Variants in ATG2B observed in about 807,000 individuals in gnomAD.
The protein encoded by ATG2B is autophagy related 2B.
ATG2B carries 121 observed loss-of-function variants against 241.3 expected under a neutral mutation model. The observed-to-expected ratio is 0.50, with a 90% CI of 0.43 to 0.58. The LOEUF is 0.58. Ranked by LOEUF, ATG2B falls within the 20% of genes least tolerant of loss-of-function variation. The probability of loss-of-function intolerance (pLI) is 0.00; values close to 1 mark genes in which losing one functional copy is unlikely to be tolerated. For synonymous variants in ATG2B, 858 were observed against 876.6 expected (o/e 0.98, Z 0.37); for missense variants, 2,306 against 2,491.6 (o/e 0.93, Z 1.59).
At chr14:96,345,093 A>AT in intron 3 of ATG2B, 140 bp downstream of exon 3, 1 of 634,736 alleles carries the variant, frequency 1.6e-6, no homozygotes, top group South Asian at 2.4e-5. Flanking sequence ...AAATACCTCA[A>AT]TTCTAAAGTT....
At chr14:96,341,826 TG>T in intron 5 of ATG2B, 125 bp from the exon 6 acceptor site, 1 of 731,594 alleles carries the variant, frequency 1.4e-6, no homozygotes, top group Non-Finnish European at 2.0e-6. Context: ...GATGTTACAA[TG>T]GACAAACCAG....
Position 96,295,064 on chromosome 14 carries a change from A to T in ATG2B, c.5322T>A (p.Pro1774=), listed in dbSNP as rs1886593227. The T allele has an allele frequency of 1.2e-6, 2 of 1,614,238 alleles. No homozygotes were observed. The highest frequency in any genetic ancestry group is 1.7e-6 in the Non-Finnish European group (2 of 1,180,042). ...CTGAATTGGCACTATCATTTTGGGA[A>T]GGCTGTTTTGGCCCAGAGAAAGAAA... The part of the protein sequence containing the change: ...LVISFSGPKQ[P]SQNDSANSVE... The change falls in exon 36 of 42, where the codon CCT becomes CCA. Residue 1774 remains proline, a synonymous_variant. Transcript: ENST00000359933.
chr14:96,340,056 A>AT (rs1297682275), intron 6 of ATG2B, among the ~76,000 whole-genome samples: 1 of 117,654 alleles, frequency 8.5e-6, no homozygotes, highest in Admixed American at 9.1e-5. Context: ...GATATATATG[A>AT]ATATATGCTA....
At position 96,363,000 on chromosome 14, in the gene ATG2B, A is replaced by C. The variant is rs1888719784; in HGVS notation, c.-24T>G. 1 of 1,612,056 alleles carries C rather than the reference A, an allele frequency of 6.2e-7. No individual in the cohort carries two copies. Among genetic ancestry groups the C allele is most frequent in the Non-Finnish European group, 8.5e-7 (1 of 1,179,506 alleles). ...ATAGTGACTGCTGGCAGCTGGGCTG[A>C]CTGCGGCTGCGGGTTGCGACGGCTC... On this transcript the variant is annotated 5_prime_UTR_variant, in exon 1 of 42. Coordinates refer to ENST00000359933, the MANE Select transcript of ATG2B (RefSeq NM_018036.7).
At chr14:96,312,188 T>A (rs1887177698) in intron 25 of ATG2B, 29 bp from the exon 26 acceptor site, 1 of 1,545,580 alleles carries the variant, frequency 6.5e-7, no homozygotes, top group African/African-American at 1.4e-5. Context: ...AACCAACATC[T>A]GAAAAACTAA....
chr14:96,328,643 C>T (rs775181142), intron 13 of ATG2B, 31 bp downstream of exon 13: 4 of 1,567,238 alleles, frequency 2.6e-6, no homozygotes, highest in Admixed American at 1.9e-5. Context: ...TTAAAATTTA[C>T]AGGTGGCAAT....
rs551326808 is a variant in ATG2B at position 96,292,164 on chromosome 14, A to G, written c.5427-66T>C. 369 of 1,018,532 alleles carry G rather than the reference A, an allele frequency of 3.6e-4. 2 individuals carry two copies. In the African/African-American group the frequency reaches 5.0e-3, roughly 14 times the overall value. The allele number at this position is 1,018,532 out of a possible 1,614,324, so 63.1% of individuals were successfully genotyped here. A position where few individuals can be genotyped will look rare whatever the true frequency, so the allele number is the denominator to read the frequency against. The stretch of plus-strand genomic sequence containing the variant: ...TACTAATAGGTGAAATTAGATATAA[A>G]TTAATTTGTTCAATTGGAGAATAAA... On this transcript the variant is annotated intron_variant, in intron 36 of 41. Transcript: ENST00000359933.
At chr14:96,330,125 G>A (rs1039825432) in intron 11 of ATG2B, among the ~76,000 whole-genome samples, 3 of 151,188 alleles carry the variant, frequency 2.0e-5, no homozygotes, top group Non-Finnish European at 4.4e-5. Context: ...CAAGGTGGGC[G>A]GATCACCTGA....
At chr14:96,316,512 C>G in intron 21 of ATG2B, 21 bp downstream of exon 21, 2 of 1,603,378 alleles carry the variant, frequency 1.2e-6, no homozygotes, top group South Asian at 1.1e-5. Flanking sequence ...GAGAAGAAAC[C>G]AAGACACGTG....
intron 31 of ATG2B, among the ~76,000 whole-genome samples, chr14:96,304,817 C>T (rs1886891640): frequency 6.6e-6 from 1 of 152,060 alleles, no homozygotes. Flanking sequence ...GAGTAATCAC[C>T]TGCTTGCTAA....
chr14:96,353,644 A>T (rs904915788), intron 1 of ATG2B, among the ~76,000 whole-genome samples: 3 of 125,918 alleles, frequency 2.4e-5, no homozygotes, highest in African/African-American at 5.1e-5. Context: ...TTCATATTTT[A>T]TATATATATA....
intron 25 of ATG2B, among the ~76,000 whole-genome samples, chr14:96,312,508 A>G (rs1887188916): frequency 6.6e-6 from 1 of 152,290 alleles, no homozygotes; most frequent in Non-Finnish European, 1.5e-5. Flanking sequence ...TTGGGAGGAC[A>G]AGGCAGGAGG....
chr14:96,302,955 A>C, intron 33 of ATG2B, 106 bp downstream of exon 33: 3 of 830,796 alleles, frequency 3.6e-6, no homozygotes, highest in Non-Finnish European at 5.2e-6. Flanking sequence ...CATTAAAATG[A>C]GAAAAGATAT....
chr14:96,313,153 G>A lies in ATG2B; in HGVS notation c.3754C>T (p.Leu1252Phe), dbSNP rs1339585542. The A allele has an allele frequency of 6.2e-7, 1 of 1,610,958 alleles. No individual in the cohort carries two copies. Among genetic ancestry groups the A allele is most frequent in the Non-Finnish European group, 8.5e-7 (1 of 1,177,468 alleles). Reference protein sequence around the residue: ...LWSCALDYRPLYLPIRSLLTV... With the variant: ...LWSCALDYRPFYLPIRSLLTV... ...AGAAGAGATCGGATTGGCAAATAAA[G>A]GGGTCTAATGCCAAAGAGAAACAAA... The change falls in exon 25 of 42, where the codon CTT becomes TTT. Residue 1252 changes from leucine (L) to phenylalanine (F), a missense_variant. Physicochemically the swap from Leu to Phe is conservative, Grantham distance 22. This residue lies in a region of ATG2B where 1,927 missense variants were observed against 2,011.2 expected (regional missense o/e 0.96). Coordinates refer to ENST00000359933, the MANE Select transcript of ATG2B (RefSeq NM_018036.7).
chr14:96,294,335 T>A (rs182822430), intron 36 of ATG2B, among the ~76,000 whole-genome samples: 3 of 152,186 alleles, frequency 2.0e-5, no homozygotes, highest in East Asian at 1.9e-4. Context: ...CAAGCCACCA[T>A]CCCTACCATC....
At chr14:96,311,744 GC>G in intron 26 of ATG2B, 126 bp from the exon 27 acceptor site, 1 of 619,706 alleles carries the variant, frequency 1.6e-6, no homozygotes, top group East Asian at 3.0e-5. Context: ...TAATTATAAT[GC>G]AATGAAAATA....
Position 96,333,494 on chromosome 14 carries a change from T to A in ATG2B, c.1207+194A>T, listed in dbSNP as rs370324816. ...CAATCAAAATCAAAAAAATATACTA[T>A]AGCACCTATGTGCTGGTGCATTACT... is the stretch of plus-strand genomic sequence containing the variant. On this transcript the variant is annotated intron_variant, in intron 8 of 41. Coordinates refer to ENST00000359933, the MANE Select transcript of ATG2B (RefSeq NM_018036.7). Among the ~76,000 whole-genome samples, 35 of 152,342 alleles carry A rather than the reference T, an allele frequency of 2.3e-4. 1 individual carries two copies. In the East Asian group the frequency reaches 4.2e-3, roughly 18 times the overall value.
Position 96,331,393 on chromosome 14 carries a change from G to A in ATG2B, c.1713C>T (p.Cys571=). 1 of 1,613,492 alleles carries A rather than the reference G, an allele frequency of 6.2e-7. No homozygotes were observed. Among genetic ancestry groups the A allele is most frequent in the Non-Finnish European group, 8.5e-7 (1 of 1,179,774 alleles). Residue 571 remains cysteine (C), a synonymous_variant, in exon 11 of 42, where the codon TGC becomes TGT. Coordinates refer to ENST00000359933, the MANE Select transcript of ATG2B (RefSeq NM_018036.7). Reference sequence around the variant, plus strand: ...GAGTTTACCTAAGGTGATCGTGTGAGCAAGCTTCTGCAAACACTGCTCGGA... The same window carrying A: ...GAGTTTACCTAAGGTGATCGTGTGAACAAGCTTCTGCAAACACTGCTCGGA... The part of the protein sequence containing the change: ...KSFRAVFAEA[C]SHDHLRFIGT...
chr14:96,313,537 T>A, intron 23 of ATG2B, 102 bp from the exon 24 acceptor site: 1 of 525,132 alleles, frequency 1.9e-6, no homozygotes, highest in South Asian at 4.3e-5. Context: ...ACAGAAAAAA[T>A]CATTTAATTG....
Sources: gnomAD v4.1 joint callset for allele counts (sites outside exome capture counted in the v4.1 genomes callset) on GRCh38, gnomAD v4.1.1 for gene constraint, gnomAD v4.1.1 regional missense constraint, MANE v1.5 for transcripts, NCBI Gene and HGNC (gene_info 2026-07-23, HGNC 2026-07-21) for gene names.